Variants in MGAT4C observed in about 807,000 individuals in gnomAD.
The protein encoded by MGAT4C is alpha-1,3-mannosyl-glycoprotein 4-beta-N-acetylglucosaminyltransferase C.
In MGAT4C, 19 loss-of-function variants were observed where a neutral mutation model predicts 40.1. That is an observed-to-expected ratio of 0.47 (90% CI 0.33 to 0.70). MGAT4C has a LOEUF of 0.70. MGAT4C is among the 30% of genes least tolerant of loss of function. The probability of loss-of-function intolerance (pLI) is 0.02; values close to 1 mark genes in which losing one functional copy is unlikely to be tolerated. For synonymous variants in MGAT4C, 181 were observed against 187.1 expected (o/e 0.97, Z 0.27); for missense variants, 491 against 563.2 (o/e 0.87, Z 1.30).
intron 2 of MGAT4C, among the ~76,000 whole-genome samples, chr12:86,011,291 C>T (rs1482923727): frequency 6.6e-6 from 1 of 152,146 alleles, no homozygotes; most frequent in African/African-American, 2.4e-5. Context: ...GACATAAGCG[C>T]AGGTTTATGA....
At chr12:86,792,907 G>T (rs1952051075) in intron 1 of MGAT4C, among the ~76,000 whole-genome samples, 1 of 152,090 alleles carries the variant, frequency 6.6e-6, no homozygotes, top group African/African-American at 2.4e-5. Flanking sequence ...CTCCAGCCTG[G>T]ACAACAGAGT....
intron 2 of MGAT4C, among the ~76,000 whole-genome samples, chr12:86,044,422 G>A (rs1418064375): frequency 6.6e-6 from 1 of 152,172 alleles, no homozygotes; most frequent in Non-Finnish European, 1.5e-5. Context: ...TGGTGGGTTT[G>A]CGGCTGCCAG....
At chr12:86,806,200 T>A (rs1952349803) in intron 1 of MGAT4C, among the ~76,000 whole-genome samples, 1 of 151,914 alleles carries the variant, frequency 6.6e-6, no homozygotes. Flanking sequence ...AATATATGGG[T>A]TGCAAATATA....
At chr12:86,663,353 CAAAA>C (rs58562873) in intron 2 of MGAT4C, among the ~76,000 whole-genome samples, 8 of 44,802 alleles carry the variant, frequency 1.8e-4, no homozygotes, top group South Asian at 8.6e-4. Flanking sequence ...TCCTCTGTCT[CAAAA>C]AAAAAAAAAA....
rs1160909806 is a variant in MGAT4C at position 86,393,346 on chromosome 12, A to T, written c.-120+41811T>A. On this transcript the variant is annotated intron_variant, in intron 3 of 7. Coordinates refer to the MGAT4C transcript ENST00000548651. ...CTAATCCACATGATGTAAAAAAAAG[A>T]TGTAAAAAATGATTTATACACCTGA... is the stretch of plus-strand genomic sequence containing the variant. Among the ~76,000 whole-genome samples the T allele has an allele frequency of 2.0e-5, 3 of 152,190 alleles. No homozygotes were observed. In the East Asian group the frequency reaches 5.8e-4, roughly 29 times the overall value.
intron 2 of MGAT4C, among the ~76,000 whole-genome samples, chr12:86,617,668 A>G (rs1458590801): frequency 6.6e-6 from 1 of 151,912 alleles, no homozygotes; most frequent in African/African-American, 2.4e-5. Flanking sequence ...AGCCTGGAAG[A>G]CAGAGCTAGA....
chr12:86,520,299 C>T (rs1376064518), intron 2 of MGAT4C, among the ~76,000 whole-genome samples: 1 of 152,166 alleles, frequency 6.6e-6, no homozygotes, highest in Admixed American at 6.5e-5. Context: ...TTAGCTCCCA[C>T]TTATAAGTGA....
chr12:86,403,172 A>T (rs1003230871), intron 3 of MGAT4C, among the ~76,000 whole-genome samples: 1 of 152,198 alleles, frequency 6.6e-6, no homozygotes, highest in African/African-American at 2.4e-5. Context: ...CTGAGTTATC[A>T]GTAGCACTTT....
intron 3 of MGAT4C, among the ~76,000 whole-genome samples, chr12:86,360,030 C>CA (rs1024207724): frequency 1.3e-5 from 2 of 151,734 alleles, no homozygotes; most frequent in African/African-American, 4.8e-5. Context: ...ACAACAACAA[C>CA]AAAAAAGAGA....
At chr12:86,140,509 G>C (rs113520600) in intron 1 of MGAT4C, among the ~76,000 whole-genome samples, 11 of 152,072 alleles carry the variant, frequency 7.2e-5, no homozygotes, top group African/African-American at 1.7e-4. Context: ...GGCCTGTCGG[G>C]GGGTGGGAGG....
In MGAT4C at chr12:86,425,196, C is replaced by A. The variant is rs189365715; in HGVS notation, c.-120+9961G>T. Among the ~76,000 whole-genome samples, 137 of 152,294 alleles carry A rather than the reference C, an allele frequency of 9.0e-4. 1 individual carries two copies. Among genetic ancestry groups the A allele is most frequent in the African/African-American group, 3.2e-3 (131 of 41,554 alleles). On this transcript the variant is annotated intron_variant, in intron 3 of 7. Coordinates refer to the MGAT4C transcript ENST00000548651. Reference sequence around the variant, plus strand: ...TTCTTGCTCTGAACATTATACTATGCAGTCTTTCATCATAATTTAAGAAGA... The same window carrying A: ...TTCTTGCTCTGAACATTATACTATGAAGTCTTTCATCATAATTTAAGAAGA...
chr12:86,361,353 T>C (rs959142182), intron 3 of MGAT4C, among the ~76,000 whole-genome samples: 39 of 152,316 alleles, frequency 2.6e-4, no homozygotes, highest in Non-Finnish European at 4.3e-4. Flanking sequence ...GATTAAAGAC[T>C]TAAATGTTAG....
chr12:86,757,927 C>A (rs1790036243), intron 1 of MGAT4C, among the ~76,000 whole-genome samples: 1 of 152,114 alleles, frequency 6.6e-6, no homozygotes, highest in South Asian at 2.1e-4. Context: ...ACTTTTAAAA[C>A]CTCTTAAATT....
intron 3 of MGAT4C, among the ~76,000 whole-genome samples, chr12:86,380,612 A>C (rs17367869): frequency 0.091 from 13,906 of 152,208 alleles, 796 homozygotes; most frequent in Middle Eastern, 0.22. Flanking sequence ...TTAGATCAAA[A>C]TTCAACATTA....
rs571905580 is a variant in MGAT4C, at chr12:86,728,027, C to T, written c.-261-786G>A. Among the ~76,000 whole-genome samples the T allele has an allele frequency of 1.8e-4, 27 of 152,182 alleles. No individual in the cohort carries two copies. The South Asian group carries it at 5.6e-3, about 32-fold the overall frequency. On this transcript the variant is annotated intron_variant, in intron 1 of 7. Transcript: ENST00000548651. ...CTTTGGTGATTTAACAATGCTCATG[C>T]AATTAATGTTCTTTATTGATAAATA...
At chr12:86,297,602 TAA>T (rs1467486491) in intron 4 of MGAT4C, among the ~76,000 whole-genome samples, 5 of 152,132 alleles carry the variant, frequency 3.3e-5, no homozygotes, top group Non-Finnish European at 5.9e-5. Flanking sequence ...TGTGAGAGAC[TAA>T]AGAGATTTCC....
chr12:86,745,421 G>A (rs1490633304), intron 1 of MGAT4C, among the ~76,000 whole-genome samples: 2 of 151,650 alleles, frequency 1.3e-5, no homozygotes, highest in Admixed American at 1.3e-4. Context: ...CAGAAGATAT[G>A]CACATACTTC....
At chr12:86,065,496 A>C (rs1894450127) in intron 1 of MGAT4C, among the ~76,000 whole-genome samples, 1 of 152,224 alleles carries the variant, frequency 6.6e-6, no homozygotes, top group Non-Finnish European at 1.5e-5. Context: ...AAGGGCTTTG[A>C]CAACATTCAA....
At chr12:86,618,617 T>C (rs937360990) in intron 2 of MGAT4C, among the ~76,000 whole-genome samples, 1 of 152,124 alleles carries the variant, frequency 6.6e-6, no homozygotes, top group Admixed American at 6.6e-5. Flanking sequence ...ACATGAGAGT[T>C]AAAAAATTGA....
Sources: allele counts gnomAD v4.1 joint callset (sites outside exome capture counted in the v4.1 genomes callset), GRCh38; gene constraint gnomAD v4.1.1; transcripts MANE v1.5; gene names NCBI Gene and HGNC (gene_info 2026-07-23, HGNC 2026-07-21).